The following PABPC1L variants were observed in gnomAD, a reference collection of about 807,000 sequenced individuals.
PABPC1L encodes the protein poly(A) binding protein cytoplasmic 1 like.
PABPC1L carries 31 observed loss-of-function variants against 66.6 expected under a neutral mutation model. That is an observed-to-expected ratio of 0.47 (90% CI 0.35 to 0.63). The LOEUF is 0.63. Ranked by LOEUF, PABPC1L falls within the 20% of genes least tolerant of loss-of-function variation. The pLI is 0.00. For synonymous variants in PABPC1L, 348 were observed against 335.1 expected (o/e 1.04, Z -0.42); for missense variants, 722 against 848.8 (o/e 0.85, Z 1.86).
chr20:44,919,173 T>G lies in PABPC1L; in HGVS notation c.644-10T>G. The stretch of plus-strand genomic sequence containing the variant: ...CAGACTCCCCTTTGAGCCAGGTTGG[T>G]CCTTTGCAGGGAAAATGCTGAGTGT... On this transcript the variant is annotated splice_polypyrimidine_tract_variant and intron_variant, in intron 4 of 14. Transcript: ENST00000217073. 1 of 1,614,154 alleles carries G rather than the reference T, an allele frequency of 6.2e-7. No individual in the cohort carries two copies. Among genetic ancestry groups the G allele is most frequent in the Non-Finnish European group, 8.5e-7 (1 of 1,180,020 alleles).
At chr20:44,932,693 A>T (rs2066870523) in intron 9 of PABPC1L, 1 of 510,984 alleles carries the variant, frequency 2.0e-6, no homozygotes, top group African/African-American at 1.9e-5. Flanking sequence ...TGACTCTGAA[A>T]ATTCTTGCAA....
chr20:44,933,934 T>A (rs1346728028), intron 10 of PABPC1L, among the ~76,000 whole-genome samples: 1 of 151,782 alleles, frequency 6.6e-6, no homozygotes, highest in African/African-American at 2.4e-5. Flanking sequence ...GTATTTTTAG[T>A]AGGGACAGGG....
Position 44,933,086 on chromosome 20 carries a change from C to G in PABPC1L, c.1360C>G (p.Arg454Gly). The G allele has an allele frequency of 6.3e-7, 1 of 1,599,268 alleles. No individual in the cohort carries two copies. Among genetic ancestry groups the G allele is most frequent in the East Asian group, 2.3e-5 (1 of 44,306 alleles). Residue 454 changes from arginine to glycine, a missense_variant, in exon 10 of 15, where the codon CGG (arginine) becomes GGG (glycine). Arg to Gly is a moderately radical substitution (Grantham distance 125, BLOSUM62 -2). This residue lies in a region of PABPC1L where 301 missense variants were observed against 337.2 expected (regional missense o/e 0.89). Coordinates refer to ENST00000217073, the MANE Select transcript of PABPC1L (RefSeq NM_001372179.1). Reference sequence around the variant, plus strand: ...CTACCCTCCAGGTGCCTCAATGGTCCGGCCACCAGTTGTGCCTCGGCGCCC... The same window carrying G: ...CTACCCTCCAGGTGCCTCAATGGTCGGGCCACCAGTTGTGCCTCGGCGCCC... ...SAYPPGASMV[R>G]PPVVPRRPPA... is the part of the protein sequence containing the mutation.
At chr20:44,938,477 G>A (rs1437065933) in intron 13 of PABPC1L, among the ~76,000 whole-genome samples, 197 bp from the exon 14 acceptor site, 1 of 152,144 alleles carries the variant, frequency 6.6e-6, no homozygotes, top group Non-Finnish European at 1.5e-5. Context: ...CAGCTGTCCA[G>A]CAATGTACCT....
chr20:44,929,454 T>C (rs1046522072), intron 7 of PABPC1L, among the ~76,000 whole-genome samples: 6 of 152,144 alleles, frequency 3.9e-5, no homozygotes, highest in Admixed American at 2.0e-4. Context: ...GTTAATTTTG[T>C]AGTTTTGAAA....
intron 14 of PABPC1L, 99 bp downstream of exon 14, chr20:44,938,847 C>T: frequency 8.4e-7 from 1 of 1,185,042 alleles, no homozygotes. Context: ...CGCCGTGTTC[C>T]TGGCTTTCTC....
intron 2 of PABPC1L, 118 bp downstream of exon 2, chr20:44,912,971 G>C: frequency 1.1e-6 from 1 of 911,986 alleles, no homozygotes; most frequent in Admixed American, 2.7e-5. Flanking sequence ...CAAGTTTCAG[G>C]TACAGCAAGC....
chr20:44,928,012 G>GA (rs35457306), intron 7 of PABPC1L, among the ~76,000 whole-genome samples: 37,940 of 152,056 alleles, frequency 0.25, 5,021 homozygotes, highest in East Asian at 0.3. Context: ...AAATCATACT[G>GA]AAAAAATATA....
At chr20:44,916,621 C>T in intron 2 of PABPC1L, 135 bp from the exon 3 acceptor site, 1 of 797,690 alleles carries the variant, frequency 1.3e-6, no homozygotes, top group Non-Finnish European at 2.2e-6. Flanking sequence ...AGCTTCCATA[C>T]CCCATCCCTA....
At chr20:44,931,062 TCCCTCCCTC>T (rs2066853657) in intron 8 of PABPC1L, among the ~76,000 whole-genome samples, 1 of 2,686 alleles carries the variant, frequency 3.7e-4, no homozygotes, top group African/African-American at 7.8e-4. Flanking sequence ...TCCCTTCCCT[TCCCTCCCTC>T]CCTCCCTCCC....
Position 44,933,483 on chromosome 20 carries a change from T to C in PABPC1L, c.1459+298T>C, listed in dbSNP as rs73617485. On this transcript the variant is annotated intron_variant, in intron 10 of 14. Transcript: ENST00000217073. The stretch of plus-strand genomic sequence containing the variant: ...TTTTTGAGGCAGAATTTCATTCTTG[T>C]TGCCCAGGCTGGAGTGCAATGGCAT... Among the ~76,000 whole-genome samples the C allele has an allele frequency of 1.6e-3, 241 of 152,274 alleles. 2 individuals carry two copies. In the East Asian group the frequency reaches 0.035, roughly 22 times the overall value.
chr20:44,919,175 C>T lies in PABPC1L; in HGVS notation c.644-8C>T, dbSNP rs1042860995. ...GACTCCCCTTTGAGCCAGGTTGGTC[C>T]TTTGCAGGGAAAATGCTGAGTGTGA... On this transcript the variant is annotated splice_polypyrimidine_tract_variant and splice_region_variant and intron_variant, in intron 4 of 14. Coordinates refer to ENST00000217073, the MANE Select transcript of PABPC1L (RefSeq NM_001372179.1). 6.2e-6 allele frequency: 10 copies of T among 1,614,168 alleles called. No homozygotes were observed. In the African/African-American group the frequency reaches 1.2e-4, roughly 19 times the overall value.
chr20:44,924,070 C>T, intron 6 of PABPC1L, 91 bp from the exon 7 acceptor site: 1 of 1,032,836 alleles, frequency 9.7e-7, no homozygotes, highest in Non-Finnish European at 1.5e-6. Flanking sequence ...GCTCCCCATG[C>T]CCCTTGTACC....
intron 1 of PABPC1L, 38 bp downstream of exon 1, chr20:44,910,374 C>T (rs1473774339): frequency 2.1e-6 from 3 of 1,446,964 alleles, no homozygotes; most frequent in Admixed American, 2.5e-5. Context: ...GAAGGACCGA[C>T]GGACAAGCAG....
Position 44,938,179 on chromosome 20 carries a change from C to T in PABPC1L, c.1779C>T (p.Ser593=), listed in dbSNP as rs773715192. 1 of 1,613,896 alleles carries T rather than the reference C, an allele frequency of 6.2e-7. No homozygotes were observed. Among genetic ancestry groups the T allele is most frequent in the South Asian group, 1.1e-5 (1 of 91,056 alleles). ...TGCTCATGCTGGAGTCTCCAGAATC[C>T]CTCCATGCCAAGGTAAGCAGGAGCC... ...ELLLMLESPE[S]LHAKIDEAVA... Residue 593 remains serine, a synonymous_variant, in exon 13 of 15, where the codon TCC becomes TCT. Transcript: ENST00000217073.
At chr20:44,934,870 C>T (rs1162326130) in intron 10 of PABPC1L, among the ~76,000 whole-genome samples, 2 of 152,122 alleles carry the variant, frequency 1.3e-5, no homozygotes, top group Non-Finnish European at 2.9e-5. Flanking sequence ...GAGTTCGAAA[C>T]CAGCCTGACC....
rs1302154988 is a variant in PABPC1L at position 44,925,205 on chromosome 20, T to A, written c.972+949T>A. Among the ~76,000 whole-genome samples the A allele has an allele frequency of 3.8e-5, 5 of 131,382 alleles. No individual in the cohort carries two copies. In the East Asian group the frequency reaches 1.1e-3, roughly 29 times the overall value. The allele number at this position is 131,382 out of a possible 152,430, so 86.2% of individuals were successfully genotyped here. On this transcript the variant is annotated intron_variant, in intron 7 of 14. Coordinates refer to ENST00000217073, the MANE Select transcript of PABPC1L (RefSeq NM_001372179.1). ...TCCAGCCTGGGCAACAGCGAGACTC[T>A]GTCTCAAAAAAAAAAAAAAAAAAAA...
Position 44,938,118 on chromosome 20 carries a change from C to T in PABPC1L, c.1718C>T (p.Thr573Met), listed in dbSNP as rs1332660687. The T allele has an allele frequency of 3.1e-6, 5 of 1,614,046 alleles. No homozygotes were observed. The highest frequency in any genetic ancestry group is 2.7e-5 in the African/African-American group (2 of 74,918). The change falls in exon 13 of 15, where the codon ACG becomes ATG. Residue 573 changes from threonine to methionine, a missense_variant. Around this residue, in one of 3 missense-constraint regions of PABPC1L, gnomAD observed 301 missense variants for 337.2 expected, o/e 0.89. Coordinates refer to ENST00000217073, the MANE Select transcript of PABPC1L (RefSeq NM_001372179.1). Reference protein sequence around the residue: ...DVHTQLAGKITGMLLEIDNSE... With the variant: ...DVHTQLAGKIMGMLLEIDNSE... ...CACACCCAGCTGGCTGGCAAGATCA[C>T]GGGCATGCTGCTGGAGATTGACAAC...
intron 3 of PABPC1L, among the ~76,000 whole-genome samples, chr20:44,918,514 C>T (rs2066751680): frequency 6.6e-6 from 1 of 152,144 alleles, no homozygotes; most frequent in Non-Finnish European, 1.5e-5. Context: ...CAGCAATGAA[C>T]TCTGAGGCTC....
Sources: allele counts gnomAD v4.1 joint callset (sites outside exome capture counted in the v4.1 genomes callset), GRCh38; gene constraint gnomAD v4.1.1; regional missense constraint gnomAD v4.1.1; transcripts MANE v1.5; gene names NCBI Gene and HGNC (gene_info 2026-07-23, HGNC 2026-07-21).